Variants in CCDC93 observed in about 807,000 individuals in gnomAD.
CCDC93 encodes CCC complex scaffolding subunit CCDC93.
In CCDC93, 61 loss-of-function variants were observed where a neutral mutation model predicts 108.2. The ratio of observed to expected loss-of-function variants is 0.56; its 90% CI spans 0.46 to 0.70. CCDC93 has a LOEUF of 0.70. Among genes scored for constraint, CCDC93 ranks in the 30% least tolerant of loss-of-function variants. The pLI, the probability that CCDC93 is intolerant of heterozygous loss-of-function variation, is 0.00. For synonymous variants in CCDC93, 276 were observed against 260.4 expected (o/e 1.06, Z -0.58); for missense variants, 685 against 764.2 (o/e 0.90, Z 1.22).
At chr2:117,961,815 T>C (rs886501722) in intron 11 of CCDC93, among the ~76,000 whole-genome samples, 1 of 152,226 alleles carries the variant, frequency 6.6e-6, no homozygotes, top group Non-Finnish European at 1.5e-5. Context: ...ATTTAAACCG[T>C]AGAGCATCTT....
At chr2:117,949,181 A>G (rs1174774758) in intron 14 of CCDC93, 141 bp downstream of exon 14, 4 of 624,988 alleles carry the variant, frequency 6.4e-6, no homozygotes, top group Non-Finnish European at 2.8e-6. Context: ...TTTCTGGATG[A>G]ACAGTAAAAT....
intron 1 of CCDC93, among the ~76,000 whole-genome samples, chr2:118,010,665 C>T (rs1676999399): frequency 6.6e-6 from 1 of 152,208 alleles, no homozygotes; most frequent in African/African-American, 2.4e-5. Context: ...AGCTCACCCT[C>T]CCAGCCCTTA....
At chr2:117,929,746 C>T (rs956014208) in intron 23 of CCDC93, among the ~76,000 whole-genome samples, 1 of 152,178 alleles carries the variant, frequency 6.6e-6, no homozygotes, top group Non-Finnish European at 1.5e-5. Context: ...TCAGCTGCAG[C>T]CTGTGCTAGC....
At chr2:117,931,884 G>A (rs777395203) in intron 22 of CCDC93, among the ~76,000 whole-genome samples, 9 of 152,176 alleles carry the variant, frequency 5.9e-5, no homozygotes, top group Non-Finnish European at 1.3e-4. Flanking sequence ...AACAAACATT[G>A]ACTTAGAACC....
At chr2:117,992,345 G>A (rs748859166) in intron 6 of CCDC93, among the ~76,000 whole-genome samples, 18 of 152,092 alleles carry the variant, frequency 1.2e-4, no homozygotes, top group Non-Finnish European at 2.2e-4. Flanking sequence ...CCAGGCTCAG[G>A]TGATCCTCCC....
intron 7 of CCDC93, among the ~76,000 whole-genome samples, chr2:117,978,562 C>T (rs1159238488): frequency 2.6e-5 from 4 of 152,148 alleles, no homozygotes; most frequent in Admixed American, 2.6e-4. Context: ...TATTTTCTGG[C>T]TCTAATTAAT....
chr2:117,939,145 A>G, intron 19 of CCDC93, 34 bp from the exon 20 acceptor site: 1 of 1,371,650 alleles, frequency 7.3e-7, no homozygotes, highest in Non-Finnish European at 1.0e-6. Context: ...CACGAATAAG[A>G]ACAGGTATCA....
chr2:117,927,319 G>T (rs1208347338), intron 23 of CCDC93, among the ~76,000 whole-genome samples: 1 of 152,166 alleles, frequency 6.6e-6, no homozygotes, highest in Non-Finnish European at 1.5e-5. Flanking sequence ...AGGAAAAGAA[G>T]AAGTCAAATT....
intron 3 of CCDC93, among the ~76,000 whole-genome samples, chr2:118,002,380 A>G (rs1676727333): frequency 1.3e-5 from 2 of 152,198 alleles, no homozygotes; most frequent in Non-Finnish European, 2.9e-5. Context: ...CCTCAGTCTT[A>G]GTATTAACAG....
rs1680405656 is a variant in CCDC93, at chr2:117,989,206, A to G, written c.520-3137T>C. ...TCCAACCACGGATAGGATAAACCCTATGGCTAGGTAGACCTCAAGCCACTG... is the reference window on the plus strand; with the variant it reads ...TCCAACCACGGATAGGATAAACCCTGTGGCTAGGTAGACCTCAAGCCACTG... On this transcript the variant is annotated intron_variant, in intron 6 of 23. Coordinates refer to ENST00000376300, the MANE Select transcript of CCDC93 (RefSeq NM_019044.5). 1.3e-5 allele frequency among the ~76,000 whole-genome samples: 2 copies of G among 152,220 alleles called. 1 individual carries two copies. The highest frequency in any genetic ancestry group is 4.1e-4 in the South Asian group (2 of 4,832).
At position 117,931,062 on chromosome 2, in the gene CCDC93, A is replaced by G; in HGVS notation, c.1817T>C (p.Phe606Ser). 6.2e-7 allele frequency: 1 copy of G among 1,612,844 alleles called. No individual in the cohort carries two copies. The highest frequency in any genetic ancestry group is 8.5e-7 in the Non-Finnish European group (1 of 1,178,898). Reference protein sequence around the residue: ...LELLEKQRLYFKTVKEFKEEG... With the variant: ...LELLEKQRLYSKTVKEFKEEG... Reference sequence around the variant, plus strand: ...CTCCTTGAACTCTTTCACAGTCTTAAAGTATAGCCTCTGCTTTTCTAACAG... The same window carrying G: ...CTCCTTGAACTCTTTCACAGTCTTAGAGTATAGCCTCTGCTTTTCTAACAG... Residue 606 changes from phenylalanine to serine, a missense_variant, in exon 23 of 24, where the codon TTT (phenylalanine) becomes TCT (serine). By Grantham distance (155) the Phe-to-Ser change is radical. Transcript: ENST00000376300.
intron 15 of CCDC93, 47 bp downstream of exon 15, chr2:117,948,058 A>G (rs770025340): frequency 6.9e-7 from 1 of 1,438,952 alleles, no homozygotes; most frequent in South Asian, 1.1e-5. Context: ...AAACCAAGAG[A>G]TTCAATAAGC....
intron 11 of CCDC93, among the ~76,000 whole-genome samples, chr2:117,967,710 T>C (rs1679632956): frequency 6.6e-6 from 1 of 152,202 alleles, no homozygotes; most frequent in Admixed American, 6.5e-5. Context: ...AGTCACATAA[T>C]CTCGTTTCTT....
At chr2:117,944,824 A>C in intron 17 of CCDC93, 1 of 470,968 alleles carries the variant, frequency 2.1e-6, no homozygotes. Flanking sequence ...GTACAAAGGG[A>C]AGAGGAACCC....
intron 11 of CCDC93, among the ~76,000 whole-genome samples, chr2:117,965,265 C>T (rs1475841394): frequency 6.6e-6 from 1 of 152,094 alleles, no homozygotes; most frequent in Non-Finnish European, 1.5e-5. Context: ...CTCCACAAAC[C>T]GATGCTGCTA....
chr2:117,995,358 G>T, intron 6 of CCDC93, 88 bp downstream of exon 6: 4 of 1,013,746 alleles, frequency 3.9e-6, no homozygotes, highest in Non-Finnish European at 6.2e-6. Flanking sequence ...GTAGATGGAA[G>T]CCTCAGGAGC....
Position 117,920,423 on chromosome 2 carries a change from A to G in CCDC93, c.1843-27T>C, listed in dbSNP as rs762752402. On this transcript the variant is annotated intron_variant, in intron 23 of 23. Coordinates refer to ENST00000376300, the MANE Select transcript of CCDC93 (RefSeq NM_019044.5). ...TGGAGGGAAAGCAGAGAGTATAGAG[A>G]GAGTGGTGACTACATTAGCACCCAT... is the stretch of plus-strand genomic sequence containing the variant. 22 of 1,575,676 alleles carry G rather than the reference A, an allele frequency of 1.4e-5. No homozygotes were observed. In the Admixed American group the frequency reaches 3.5e-4, roughly 25 times the overall value.
chr2:117,965,316 T>C (rs1294691016), intron 11 of CCDC93, among the ~76,000 whole-genome samples: 1 of 152,096 alleles, frequency 6.6e-6, no homozygotes, highest in Non-Finnish European at 1.5e-5. Context: ...GATGATAGGA[T>C]TGGAAACACT....
At chr2:117,936,359 T>C (rs925684877) in intron 21 of CCDC93, among the ~76,000 whole-genome samples, 6 of 152,206 alleles carry the variant, frequency 3.9e-5, no homozygotes, top group Non-Finnish European at 8.8e-5. Context: ...AAAAATTATA[T>C]AAATTCCATT....
Sources: allele counts gnomAD v4.1 joint callset (sites outside exome capture counted in the v4.1 genomes callset), GRCh38; gene constraint gnomAD v4.1.1; transcripts MANE v1.5; gene names NCBI Gene and HGNC (gene_info 2026-07-23, HGNC 2026-07-21).